Variants in UBN2 observed in about 807,000 individuals in gnomAD.
The protein encoded by UBN2 is ubinuclein 2, also known as ubinuclein-2.
Under a neutral mutation model 120.2 loss-of-function variants are expected in UBN2, and 35 were observed. The observed-to-expected ratio is 0.29, with a 90% CI of 0.22 to 0.39. The LOEUF (loss-of-function observed/expected upper bound fraction) is 0.39, where lower values mean the gene tolerates loss of function less well. Among genes scored for constraint, UBN2 ranks in the 10% least tolerant of loss-of-function variants. The pLI is 1.00. For synonymous variants in UBN2, 661 were observed against 648.7 expected, an observed-to-expected ratio of 1.02 and a Z score of -0.29; for missense variants, 1,693 against 1,663.2, an observed-to-expected ratio of 1.02 and a Z score of -0.31.
chr7:139,261,821 C>A, intron 6 of UBN2, 80 bp downstream of exon 6: 2 of 1,378,856 alleles, frequency 1.5e-6, no homozygotes, highest in South Asian at 1.4e-5. Context: ...TTTTTATTTT[C>A]CACATAACAC....
At chr7:139,259,650 T>A (rs951642269) in intron 5 of UBN2, among the ~76,000 whole-genome samples, 1 of 152,214 alleles carries the variant, frequency 6.6e-6, no homozygotes, top group Non-Finnish European at 1.5e-5. Context: ...AAAAAACTGT[T>A]CTAATCTTTT....
chr7:139,240,672 TTGTAAAAAGAGCAC>T (rs143448515), intron 2 of UBN2, among the ~76,000 whole-genome samples: 3,126 of 152,040 alleles, frequency 0.021, 54 homozygotes, highest in Non-Finnish European at 0.03. Flanking sequence ...GAGTATAAAA[TTGTAAAAAGAGCAC>T]CCTGCATTGA....
intron 7 of UBN2, among the ~76,000 whole-genome samples, chr7:139,267,277 T>TA (rs1199599444): frequency 6.6e-6 from 1 of 152,202 alleles, no homozygotes; most frequent in Non-Finnish European, 1.5e-5. Flanking sequence ...CTCATGCCTG[T>TA]AATCCCAACA....
At chr7:139,311,657 C>T (rs1265613239), downstream of UBN2, among the ~76,000 whole-genome samples, 1 of 152,242 alleles carries the variant, frequency 6.6e-6, no homozygotes, top group Non-Finnish European at 1.5e-5. Flanking sequence ...TGTCTTTTTA[C>T]TTCTTAAATG....
chr7:139,251,244 CAG>C (rs762403489), intron 2 of UBN2, among the ~76,000 whole-genome samples: 6 of 152,084 alleles, frequency 3.9e-5, no homozygotes, highest in Non-Finnish European at 8.8e-5. Flanking sequence ...AAAGACAATA[CAG>C]AGAGTTCCCA....
chr7:139,240,061 G>A (rs566731508), intron 2 of UBN2, among the ~76,000 whole-genome samples: 11 of 152,254 alleles, frequency 7.2e-5, no homozygotes, highest in Middle Eastern at 3.4e-3. Flanking sequence ...TGTTTGATGC[G>A]TGAAATTGAG....
Position 139,231,717 on chromosome 7 carries a change from G to T in UBN2, c.233G>T (p.Ser78Ile), listed in dbSNP as rs562238681. Residue 78 changes from serine to isoleucine, a missense_variant, in exon 1 of 18, where the codon AGC (serine) becomes ATC (isoleucine). By Grantham distance (142) the Ser-to-Ile change is moderately radical. Around this residue, in one of 5 missense-constraint regions of UBN2, gnomAD observed 663 missense variants for 591.2 expected, o/e 1.12. Transcript: ENST00000473989. ...AAGCCGCTCCCCCAGCGCGAGGTCA[G>T]CCGCGCCGAGCCGCCCATGTCGCTG... ...REKPLPQREV[S>I]RAEPPMSLQR... 9.3e-6 allele frequency: 11 copies of T among 1,178,764 alleles called. No homozygotes were observed. Among genetic ancestry groups the T allele is most frequent in the Non-Finnish European group, 1.0e-5 (10 of 957,428 alleles). The allele number at this position is 1,178,764 out of a possible 1,614,324, so 73.0% of individuals were successfully genotyped here. A position where few individuals can be genotyped will look rare whatever the true frequency, so the allele number is the denominator to read the frequency against.
rs772541463 is a variant in UBN2 at position 139,284,164 on chromosome 7, G to A, written c.3259G>A (p.Val1087Ile). Residue 1087 changes from valine (V) to isoleucine (I), a missense_variant, in exon 15 of 18, where the codon GTA becomes ATA. This residue lies in a region of UBN2 where 837 missense variants were observed against 817.6 expected (regional missense o/e 1.02). Transcript: ENST00000473989. ...SKSNPTPKPT[V>I]SPSSSSPNAL... ...ATCCAACCCAACTCCCAAGCCTACTGTATCCCCAAGTAGTTCCAGTCCAAA... is the reference window on the plus strand; with the variant it reads ...ATCCAACCCAACTCCCAAGCCTACTATATCCCCAAGTAGTTCCAGTCCAAA... The A allele has an allele frequency of 6.2e-7, 1 of 1,614,062 alleles. No homozygotes were observed.
chr7:139,233,681 G>A (rs1005554768), intron 1 of UBN2, among the ~76,000 whole-genome samples: 3 of 152,080 alleles, frequency 2.0e-5, no homozygotes, highest in African/African-American at 7.2e-5. Context: ...CCAAAATGAC[G>A]TAAAATGTAA....
At position 139,284,167 on chromosome 7, in the gene UBN2, T is replaced by A; in HGVS notation, c.3262T>A (p.Ser1088Thr). 6.2e-7 allele frequency: 1 copy of A among 1,613,960 alleles called. No individual in the cohort carries two copies. The highest frequency in any genetic ancestry group is 1.1e-5 in the South Asian group (1 of 91,068). The part of the protein sequence containing the change: ...KSNPTPKPTV[S>T]PSSSSPNALV... ...CAACCCAACTCCCAAGCCTACTGTA[T>A]CCCCAAGTAGTTCCAGTCCAAATGC... The change falls in exon 15 of 18, where the codon TCC (serine) becomes ACC (threonine). Residue 1088 changes from serine to threonine, a missense_variant. Ser to Thr is a moderately conservative substitution (Grantham distance 58, BLOSUM62 1). Around this residue, in one of 5 missense-constraint regions of UBN2, gnomAD observed 837 missense variants for 817.6 expected, o/e 1.02. Transcript: ENST00000473989.
intron 3 of UBN2, among the ~76,000 whole-genome samples, chr7:139,256,083 C>T (rs1171000561): frequency 6.6e-6 from 1 of 152,170 alleles, no homozygotes; most frequent in African/African-American, 2.4e-5. Flanking sequence ...TGTGTTACCT[C>T]TTAACACATT....
chr7:139,266,195 C>T (rs185251895), intron 6 of UBN2, 138 bp from the exon 7 acceptor site: 3 of 486,616 alleles, frequency 6.2e-6, no homozygotes, highest in African/African-American at 4.2e-5. Flanking sequence ...AAGTTTGATA[C>T]CAACCTGGGC....
At chr7:139,280,557 G>T (rs916346726) in intron 13 of UBN2, among the ~76,000 whole-genome samples, 1 of 152,116 alleles carries the variant, frequency 6.6e-6, no homozygotes, top group Non-Finnish European at 1.5e-5. Context: ...ATTGTGGCCA[G>T]ATGGTCATTA....
chr7:139,250,823 T>C (rs1796605453), intron 2 of UBN2, among the ~76,000 whole-genome samples: 1 of 152,132 alleles, frequency 6.6e-6, no homozygotes, highest in Non-Finnish European at 1.5e-5. Flanking sequence ...CAAATACTTT[T>C]AGGCTGGACC....
intron 3 of UBN2, among the ~76,000 whole-genome samples, chr7:139,255,409 G>A (rs1584998085): frequency 6.6e-6 from 1 of 152,300 alleles, no homozygotes; most frequent in East Asian, 1.9e-4. Flanking sequence ...GTGTGTGCTA[G>A]ATTTTGATGG....
At position 139,307,205 on chromosome 7, in the gene UBN2, G is replaced by C. The variant is rs1462108133; in HGVS notation, c.*9369G>C. 6.6e-6 allele frequency: 1 copy of C among 152,174 alleles called. No homozygotes were observed. Among genetic ancestry groups the C allele is most frequent in the African/African-American group, 2.4e-5 (1 of 41,434 alleles). The allele number at this position is 152,174 out of a possible 1,614,324, so 9.4% of individuals were successfully genotyped here. Reference sequence around the variant, plus strand: ...GCCTAAAGAGTTGATGGTCCTCTAGGTGAAAGACAAGAATTACTGTATTGC... The same window carrying C: ...GCCTAAAGAGTTGATGGTCCTCTAGCTGAAAGACAAGAATTACTGTATTGC... On this transcript the variant is annotated 3_prime_UTR_variant, in exon 18 of 18. Transcript: ENST00000473989.
At chr7:139,246,520 G>T (rs1431185232) in intron 2 of UBN2, among the ~76,000 whole-genome samples, 1 of 152,206 alleles carries the variant, frequency 6.6e-6, no homozygotes, top group Non-Finnish European at 1.5e-5. Flanking sequence ...AGAGACACTT[G>T]GAAGCAGAAA....
the UBN2 span, among the ~76,000 whole-genome samples, chr7:139,318,493 T>G: frequency 1.3e-5 from 2 of 152,196 alleles, no homozygotes; most frequent in Non-Finnish European, 2.9e-5. Context: ...CTTTGAGGCC[T>G]GGCTATTTTA....
chr7:139,244,404 C>G (rs1435874485), intron 2 of UBN2, among the ~76,000 whole-genome samples: 1 of 152,100 alleles, frequency 6.6e-6, no homozygotes, highest in African/African-American at 2.4e-5. Flanking sequence ...TGGTGGCTCA[C>G]ACCTGTGATC....
Sources: allele counts gnomAD v4.1 joint callset (sites outside exome capture counted in the v4.1 genomes callset), GRCh38; gene constraint gnomAD v4.1.1; regional missense constraint gnomAD v4.1.1; transcripts MANE v1.5; gene names NCBI Gene and HGNC (gene_info 2026-07-23, HGNC 2026-07-21).